CRCP: variants seen among roughly 807,000 people sequenced by gnomAD.
CRCP encodes CGRP receptor component.
Under a neutral mutation model 18.5 loss-of-function variants are expected in CRCP, and 18 were observed. The ratio of observed to expected loss-of-function variants is 0.97; its 90% CI spans 0.67 to 1.44. The LOEUF is 1.44. CRCP is among the 40% of genes most tolerant of loss of function. CRCP has a pLI of 0.00. For synonymous variants in CRCP, 53 were observed against 62.9 expected (o/e 0.84, Z 0.75); for missense variants, 130 against 176.4 (o/e 0.74, Z 1.49).
intron 1 of CRCP, chr7:66,120,728 C>T: frequency 6.6e-6 from 1 of 152,174 alleles, no homozygotes; most frequent in East Asian, 1.9e-4. Flanking sequence ...GCAGGTTCCA[C>T]ATCTGCAACC....
intron 4 of CRCP, among the ~76,000 whole-genome samples, chr7:66,144,269 T>C (rs893064987): frequency 3.3e-5 from 5 of 152,200 alleles, no homozygotes; most frequent in African/African-American, 1.2e-4. Context: ...CTCAGATCTT[T>C]TGTTGTGAAA....
intron 4 of CRCP, among the ~76,000 whole-genome samples, chr7:66,137,480 T>C (rs1788005176): frequency 6.6e-6 from 1 of 152,202 alleles, no homozygotes; most frequent in Non-Finnish European, 1.5e-5. Flanking sequence ...GCCTCCAGGA[T>C]GATGTTGAGT....
chr7:66,150,049 G>A (rs966834423), intron 5 of CRCP, among the ~76,000 whole-genome samples: 3 of 151,656 alleles, frequency 2.0e-5, no homozygotes, highest in East Asian at 4.0e-4. Flanking sequence ...CTTGTGATCC[G>A]CCCACCTCAG....
chr7:66,144,154 T>G (rs558498064), intron 4 of CRCP, among the ~76,000 whole-genome samples: 1 of 98,992 alleles, frequency 1.0e-5, no homozygotes, highest in Non-Finnish European at 2.1e-5. Context: ...TCATTTGATC[T>G]CCTCTGAAGT....
chr7:66,116,098 C>G (rs1787253140), intron 1 of CRCP, among the ~76,000 whole-genome samples: 1 of 152,182 alleles, frequency 6.6e-6, no homozygotes, highest in African/African-American at 2.4e-5. Flanking sequence ...TTCACCTGGC[C>G]TCTTCCGATT....
rs1788504134 is a variant in CRCP at position 66,152,385 on chromosome 7, T to C, written c.*28T>C. ...GAGCACAGCTGGCCCCGGCGTTTCA[T>C]GAAGTCAGAAGGCCTGGCAGCCATT... On this transcript the variant is annotated 3_prime_UTR_variant, in exon 6 of 6. Coordinates refer to ENST00000395326, the MANE Select transcript of CRCP (RefSeq NM_014478.5). 8.1e-6 allele frequency: 13 copies of C among 1,612,144 alleles called. No individual in the cohort carries two copies. Among genetic ancestry groups the C allele is most frequent in the Middle Eastern group, 1.7e-4 (1 of 6,032 alleles).
chr7:66,118,888 G>C (rs537424521), intron 1 of CRCP, among the ~76,000 whole-genome samples: 1 of 152,340 alleles, frequency 6.6e-6, no homozygotes, highest in Admixed American at 6.5e-5. Context: ...GTGAAAGACA[G>C]TCTTTTGTTA....
intron 4 of CRCP, among the ~76,000 whole-genome samples, chr7:66,134,808 A>G (rs992032447): frequency 6.6e-6 from 1 of 152,172 alleles, no homozygotes; most frequent in African/African-American, 2.4e-5. Context: ...CAAGCTTGGA[A>G]TCGGGGAACC....
At chr7:66,130,436 A>C (rs1341637793) in intron 2 of CRCP, among the ~76,000 whole-genome samples, 1 of 152,120 alleles carries the variant, frequency 6.6e-6, no homozygotes, top group Non-Finnish European at 1.5e-5. Context: ...TATTTGCTTT[A>C]AGAAAATCTG....
intron 3 of CRCP, among the ~76,000 whole-genome samples, chr7:66,133,864 T>C (rs1332290302): frequency 6.8e-6 from 1 of 146,540 alleles, no homozygotes; most frequent in Admixed American, 6.8e-5. Context: ...TTTTCTTTTT[T>C]TTTTTTTTTT....
chr7:66,125,834 G>C (rs73376333), intron 1 of CRCP, among the ~76,000 whole-genome samples: 1 of 148,986 alleles, frequency 6.7e-6, no homozygotes, highest in African/African-American at 2.4e-5. Flanking sequence ...ATTTTTTCTC[G>C]AGTCAAGTAT....
At chr7:66,129,369 G>A (rs1213158859) in intron 2 of CRCP, among the ~76,000 whole-genome samples, 2 of 152,024 alleles carry the variant, frequency 1.3e-5, no homozygotes, top group African/African-American at 2.4e-5. Context: ...GGACATGGTA[G>A]CAAACACCTA....
rs752426666 is a variant in CRCP, at chr7:66,145,509, A to G, written c.297+9A>G. On this transcript the variant is annotated intron_variant, in intron 5 of 5. Transcript: ENST00000395326. ...CTGTGGAGATCCAGCTGGTGAGTGA[A>G]GGGCGCCTGTGCTGGGGAGGCTGCT... The G allele has an allele frequency of 6.2e-7, 1 of 1,613,800 alleles. No individual in the cohort carries two copies. The highest frequency in any genetic ancestry group is 2.2e-5 in the East Asian group (1 of 44,868).
In CRCP at chr7:66,153,595, G is replaced by A. The variant is rs1788532552; in HGVS notation, c.*1238G>A. On this transcript the variant is annotated 3_prime_UTR_variant, in exon 6 of 6. Coordinates refer to ENST00000395326, the MANE Select transcript of CRCP (RefSeq NM_014478.5). ...CACATTCACTTTCTTCCCTGTTTTA[G>A]GGAAGAAAATGATCATAGACATTCG... The A allele has an allele frequency of 6.6e-6, 1 of 151,964 alleles. No homozygotes were observed. The highest frequency in any genetic ancestry group is 2.4e-5 in the African/African-American group (1 of 41,360). 9.4% of individuals were successfully genotyped at this position (151,964 alleles called of 1,614,324 possible).
At chr7:66,128,458 C>T (rs778656617) in intron 2 of CRCP, among the ~76,000 whole-genome samples, 6 of 152,070 alleles carry the variant, frequency 3.9e-5, no homozygotes, top group Admixed American at 6.6e-5. Context: ...TGCTTTTATA[C>T]ATTGCAAATA....
chr7:66,128,160 A>G (rs1409182310), intron 2 of CRCP, among the ~76,000 whole-genome samples: 1 of 151,860 alleles, frequency 6.6e-6, no homozygotes, highest in Non-Finnish European at 1.5e-5. Context: ...AAAAGAAATG[A>G]CTGAATTTAT....
intron 1 of CRCP, among the ~76,000 whole-genome samples, chr7:66,119,400 C>T (rs1053952530): frequency 2.6e-5 from 4 of 152,096 alleles, no homozygotes; most frequent in African/African-American, 9.7e-5. Context: ...TTTTGTGAGC[C>T]ATTCTAGCAA....
intron 5 of CRCP, among the ~76,000 whole-genome samples, chr7:66,146,941 C>T (rs181749917): frequency 1.3e-5 from 2 of 152,182 alleles, no homozygotes; most frequent in Non-Finnish European, 2.9e-5. Context: ...ATATGTTACT[C>T]ATGGCTTAAT....
chr7:66,143,705 G>A (rs1788206085), intron 4 of CRCP, among the ~76,000 whole-genome samples: 1 of 152,190 alleles, frequency 6.6e-6, no homozygotes, highest in African/African-American at 2.4e-5. Context: ...ATTATCACAT[G>A]TACACTAGAA....
Sources: allele counts gnomAD v4.1 joint callset (sites outside exome capture counted in the v4.1 genomes callset), GRCh38; gene constraint gnomAD v4.1.1; transcripts MANE v1.5; gene names NCBI Gene and HGNC (gene_info 2026-07-23, HGNC 2026-07-21).